RALGAPA2: variants seen among roughly 807,000 people sequenced by gnomAD.
RALGAPA2 encodes the protein ral GTPase-activating protein subunit alpha-2.
A neutral mutation model predicts 230.4 loss-of-function variants in RALGAPA2; 139 were observed. That is an observed-to-expected ratio of 0.60 (90% CI 0.53 to 0.69). The LOEUF (loss-of-function observed/expected upper bound fraction) is 0.69. Among genes scored for constraint, RALGAPA2 ranks in the 30% least tolerant of loss-of-function variants. The probability of loss-of-function intolerance (pLI) is 0.00; values close to 1 mark genes in which losing one functional copy is unlikely to be tolerated. For synonymous variants in RALGAPA2, 847 were observed against 837.8 expected (o/e 1.01, Z -0.19); for missense variants, 2,163 against 2,276.0 (o/e 0.95, Z 1.01).
At chr20:20,683,072 T>A (rs543810471) in intron 1 of RALGAPA2, among the ~76,000 whole-genome samples, 1 of 152,344 alleles carries the variant, frequency 6.6e-6, no homozygotes, top group African/African-American at 2.4e-5. Flanking sequence ...TCCCAGTAAG[T>A]TGGAACCTCC....
intron 26 of RALGAPA2, among the ~76,000 whole-genome samples, chr20:20,534,492 A>G (rs1049146969): frequency 6.6e-6 from 1 of 151,966 alleles, no homozygotes; most frequent in African/African-American, 2.4e-5. Context: ...ATATACCAGT[A>G]TATTTTAAAA....
intron 37 of RALGAPA2, among the ~76,000 whole-genome samples, chr20:20,443,442 G>C (rs1325686315): frequency 6.6e-6 from 1 of 152,200 alleles, no homozygotes; most frequent in East Asian, 1.9e-4. Flanking sequence ...GGTGCCTCTT[G>C]ATCTTCACCT....
chr20:20,467,292 G>C (rs933673991), intron 37 of RALGAPA2, among the ~76,000 whole-genome samples: 1 of 152,158 alleles, frequency 6.6e-6, no homozygotes, highest in Non-Finnish European at 1.5e-5. Context: ...CACACAGTAA[G>C]TGTGTTCCGG....
chr20:20,491,219 C>T (rs948143568), intron 36 of RALGAPA2, among the ~76,000 whole-genome samples: 3 of 152,168 alleles, frequency 2.0e-5, no homozygotes, highest in Non-Finnish European at 4.4e-5. Context: ...ACGCTTTTCA[C>T]AAATCACTGA....
At chr20:20,457,516 C>T (rs1213628458) in intron 37 of RALGAPA2, among the ~76,000 whole-genome samples, 2 of 152,160 alleles carry the variant, frequency 1.3e-5, no homozygotes, top group South Asian at 2.1e-4. Flanking sequence ...GAGCTGAATT[C>T]GTTCATTCGG....
At chr20:20,492,839 T>C (rs926397200) in intron 36 of RALGAPA2, among the ~76,000 whole-genome samples, 10 of 152,334 alleles carry the variant, frequency 6.6e-5, no homozygotes, top group East Asian at 3.9e-4. Flanking sequence ...CTGATAATTA[T>C]ATTGCTTAAT....
intron 38 of RALGAPA2, among the ~76,000 whole-genome samples, chr20:20,406,466 G>C (rs979984828): frequency 6.6e-6 from 1 of 152,168 alleles, no homozygotes; most frequent in Non-Finnish European, 1.5e-5. Flanking sequence ...TGTCCAGAAG[G>C]GATTATGGGG....
At chr20:20,585,592 T>G (rs1198701308) in intron 18 of RALGAPA2, among the ~76,000 whole-genome samples, 2 of 152,224 alleles carry the variant, frequency 1.3e-5, no homozygotes, top group Non-Finnish European at 2.9e-5. Flanking sequence ...GGATGCAGAA[T>G]AAACTGTTGC....
At chr20:20,710,489 T>C (rs2069808740) in intron 1 of RALGAPA2, among the ~76,000 whole-genome samples, 1 of 152,158 alleles carries the variant, frequency 6.6e-6, no homozygotes, top group Admixed American at 6.5e-5. Flanking sequence ...AAAAATCTAG[T>C]CCCTACAAAG....
At chr20:20,501,888 C>T (rs899075668) in intron 35 of RALGAPA2, among the ~76,000 whole-genome samples, 9 of 152,012 alleles carry the variant, frequency 5.9e-5, no homozygotes, top group East Asian at 1.9e-4. Flanking sequence ...GCCCAAGGAG[C>T]GGAAGATACA....
intron 37 of RALGAPA2, chr20:20,471,065 C>T (rs1326290043): frequency 6.6e-6 from 1 of 152,136 alleles, no homozygotes; most frequent in Non-Finnish European, 1.5e-5. Flanking sequence ...TTCTGTACTA[C>T]ATTGTTGTTT....
At chr20:20,494,334 A>G (rs2062144370) in intron 36 of RALGAPA2, among the ~76,000 whole-genome samples, 1 of 152,234 alleles carries the variant, frequency 6.6e-6, no homozygotes, top group Non-Finnish European at 1.5e-5. Flanking sequence ...GAAAAACACA[A>G]TGTCATTCCT....
intron 17 of RALGAPA2, among the ~76,000 whole-genome samples, chr20:20,589,768 C>T (rs1171152936): frequency 2.0e-5 from 3 of 151,304 alleles, no homozygotes; most frequent in Admixed American, 6.6e-5. Flanking sequence ...TAAAGATTGA[C>T]GAAAGCACAA....
At chr20:20,585,504 G>A (rs1427088066) in intron 18 of RALGAPA2, among the ~76,000 whole-genome samples, 1 of 152,146 alleles carries the variant, frequency 6.6e-6, no homozygotes, top group Admixed American at 6.5e-5. Flanking sequence ...TTTGCTTGGA[G>A]AGACAAAACA....
chr20:20,445,214 T>A (rs888995941), intron 37 of RALGAPA2, among the ~76,000 whole-genome samples: 28 of 152,198 alleles, frequency 1.8e-4, no homozygotes, highest in Non-Finnish European at 3.2e-4. Flanking sequence ...TTGGAATGTA[T>A]CCCCTGTAGA....
intron 3 of RALGAPA2, among the ~76,000 whole-genome samples, chr20:20,665,602 A>G (rs1219528608): frequency 6.6e-6 from 1 of 152,248 alleles, no homozygotes; most frequent in Non-Finnish European, 1.5e-5. Flanking sequence ...GACTCCTTTC[A>G]ACTCAAACAT....
At chr20:20,528,780 G>A (rs1466945809) in intron 27 of RALGAPA2, among the ~76,000 whole-genome samples, 1 of 152,208 alleles carries the variant, frequency 6.6e-6, no homozygotes, top group East Asian at 1.9e-4. Context: ...TTACAAGAGG[G>A]GTGGTGCTGG....
chr20:20,401,141 G>A lies in RALGAPA2; in HGVS notation c.5618-4407C>T, dbSNP rs539621621. 2.0e-5 allele frequency among the ~76,000 whole-genome samples: 3 copies of A among 152,240 alleles called. No individual in the cohort carries two copies. In the East Asian group the frequency reaches 5.8e-4, roughly 29 times the overall value. ...ACCTAATGAATAGACCAAAAACATC[G>A]ACTTGTATACTTCATGTGGTTGAAC... is the stretch of plus-strand genomic sequence containing the variant. On this transcript the variant is annotated intron_variant, in intron 38 of 39. Coordinates refer to ENST00000202677, the MANE Select transcript of RALGAPA2 (RefSeq NM_020343.4).
chr20:20,441,826 T>C (rs1443489955), intron 37 of RALGAPA2, among the ~76,000 whole-genome samples: 1 of 152,224 alleles, frequency 6.6e-6, no homozygotes, highest in Middle Eastern at 3.2e-3. Flanking sequence ...TTTTTTAATT[T>C]AGAGGCAGCA....
Sources: gnomAD v4.1 joint callset for allele counts (sites outside exome capture counted in the v4.1 genomes callset) on GRCh38, gnomAD v4.1.1 for gene constraint, MANE v1.5 for transcripts, NCBI Gene and HGNC (gene_info 2026-07-23, HGNC 2026-07-21) for gene names.